DMD: variants seen among roughly 807,000 people sequenced by gnomAD.
DMD encodes dystrophin, also known as mutant dystrophin.
In DMD, 63 loss-of-function variants were observed where a neutral mutation model predicts 330.1. The ratio of observed to expected loss-of-function variants is 0.19; its 90% CI spans 0.16 to 0.24. The LOEUF (loss-of-function observed/expected upper bound fraction) is 0.24. Ranked by LOEUF, DMD falls within the 10% of genes least tolerant of loss-of-function variation. The pLI is 1.00. For synonymous variants in DMD, 1,223 were observed against 959.8 expected (o/e 1.27, Z -5.07); for missense variants, 3,344 against 2,684.1 (o/e 1.25, Z -5.43).
intron 45 of DMD, among the ~76,000 whole-genome samples, chrX:31,949,785 T>G (rs2095136383): frequency 9.0e-6 from 1 of 111,610 alleles, no homozygotes; most frequent in Non-Finnish European, 1.9e-5. Flanking sequence ...TAATATGTTT[T>G]GCAGAAATTG....
intron 1 of DMD, among the ~76,000 whole-genome samples, chrX:33,276,405 G>T (rs2053236294): frequency 9.0e-6 from 1 of 110,935 alleles, no homozygotes; most frequent in Non-Finnish European, 1.9e-5. Context: ...ATGGTGAGAA[G>T]CCCTAATTAG....
intron 1 of DMD, among the ~76,000 whole-genome samples, chrX:33,201,222 C>T (rs191166437): frequency 0.01 from 1,132 of 111,097 alleles, 12 homozygotes; most frequent in African/African-American, 0.035. Flanking sequence ...TGAGCCACCG[C>T]GACCAGCCAA....
At chrX:31,749,230 C>T (rs868610895) in intron 51 of DMD, among the ~76,000 whole-genome samples, 95 of 106,871 alleles carry the variant, frequency 8.9e-4, no homozygotes, top group Admixed American at 1.9e-3. Context: ...GCCATGCTGG[C>T]ACGCTGCACC....
chrX:32,816,859 T>C (rs2077805350), intron 5 of DMD, among the ~76,000 whole-genome samples: 1 of 111,743 alleles, frequency 8.9e-6, no homozygotes, highest in Admixed American at 9.6e-5. Context: ...ACTGAATGTG[T>C]TCACTATTAC....
At chrX:31,967,114 T>G (rs774750938) in intron 45 of DMD, among the ~76,000 whole-genome samples, 1 of 110,628 alleles carries the variant, frequency 9.0e-6, no homozygotes, top group African/African-American at 3.3e-5. Context: ...AATAAAATAC[T>G]TGTATGATTA....
At chrX:32,488,726 A>G (rs1205715465) in intron 20 of DMD, among the ~76,000 whole-genome samples, 1 of 111,287 alleles carries the variant, frequency 9.0e-6, no homozygotes, top group Non-Finnish European at 1.9e-5. Flanking sequence ...AATATTTAAT[A>G]TATAAAACCT....
intron 43 of DMD, among the ~76,000 whole-genome samples, chrX:32,252,655 AATAT>A (rs1319302347): frequency 3.3e-5 from 1 of 29,913 alleles, no homozygotes; most frequent in Non-Finnish European, 5.1e-5. Context: ...TATAAATACA[AATAT>A]ATAAATATAT....
At chrX:31,563,377 C>A (rs989087954) in intron 55 of DMD, among the ~76,000 whole-genome samples, 3 of 112,188 alleles carry the variant, frequency 2.7e-5, no homozygotes, top group African/African-American at 9.7e-5. Flanking sequence ...ACAATCTGAT[C>A]TGCTTCTGGA....
chrX:33,016,169 T>G (rs1332484573), intron 2 of DMD, among the ~76,000 whole-genome samples: 2 of 110,871 alleles, frequency 1.8e-5, no homozygotes, highest in Non-Finnish European at 3.8e-5. Flanking sequence ...ACTGGGCATC[T>G]GAAGGAACTC....
chrX:31,692,863 CA>C (rs1403693848), intron 52 of DMD, among the ~76,000 whole-genome samples: 4 of 111,489 alleles, frequency 3.6e-5, no homozygotes, highest in African/African-American at 1.3e-4. Flanking sequence ...AGACCTAACA[CA>C]AATCTTTCTC....
intron 4 of DMD, among the ~76,000 whole-genome samples, chrX:32,836,943 C>T (rs1173607697): frequency 9.0e-6 from 1 of 111,446 alleles, no homozygotes; most frequent in Non-Finnish European, 1.9e-5. Context: ...AGCAGATATC[C>T]GAAGTGACTC....
At chrX:31,779,855 T>C (rs1408978496) in intron 50 of DMD, among the ~76,000 whole-genome samples, 1 of 111,677 alleles carries the variant, frequency 9.0e-6, no homozygotes, top group Non-Finnish European at 1.9e-5. Context: ...TGGTTTTCCC[T>C]CCATAGTTAA....
At chrX:33,090,944 T>C (rs1432899941) in intron 1 of DMD, among the ~76,000 whole-genome samples, 4 of 111,107 alleles carry the variant, frequency 3.6e-5, no homozygotes, top group Non-Finnish European at 7.6e-5. Flanking sequence ...GTTAAGTAAT[T>C]TGTCTGAGGT....
At position 32,342,647 on chromosome X, in the gene DMD, T is replaced by G. The variant is rs977065428; in HGVS notation, c.5740-365A>C. ...TTTAGAGGGTAAGTGAATAAGTTAT[T>G]TATTTCCTTTTTAAAGGTTTGAGGA... On this transcript the variant is annotated intron_variant, in intron 40 of 78. Transcript: ENST00000357033. 3 of 263,533 alleles carry G rather than the reference T, an allele frequency of 1.1e-5. No individual in the cohort carries two copies. The Admixed American group carries it at 1.9e-4, about 16-fold the overall frequency. 21.7% of individuals were successfully genotyped at this position (263,533 alleles called of 1,213,427 possible). A position where few individuals can be genotyped will look rare whatever the true frequency, so the allele number is the denominator to read the frequency against.
chrX:32,479,597 G>A (rs1380432485), intron 21 of DMD, among the ~76,000 whole-genome samples: 13 of 109,604 alleles, frequency 1.2e-4, no homozygotes, highest in Admixed American at 9.9e-5. Flanking sequence ...TCTACATGGT[G>A]GCAAATGACA....
intron 9 of DMD, among the ~76,000 whole-genome samples, chrX:32,651,652 G>C (rs1351397618): frequency 9.0e-6 from 1 of 111,109 alleles, no homozygotes; most frequent in Non-Finnish European, 1.9e-5. Context: ...ACAGCAATGG[G>C]ACACAGCCCA....
At chrX:31,937,612 C>T (rs1002805479) in intron 45 of DMD, among the ~76,000 whole-genome samples, 2 of 111,511 alleles carry the variant, frequency 1.8e-5, no homozygotes, top group Admixed American at 9.5e-5. Context: ...TCAAAAGCCT[C>T]GATTTGAAGT....
chrX:32,820,428 C>A (rs999074683), intron 5 of DMD, among the ~76,000 whole-genome samples: 2 of 110,506 alleles, frequency 1.8e-5, no homozygotes, highest in Admixed American at 9.6e-5. Flanking sequence ...GGTGACAGAG[C>A]GAGACTCTGT....
At chrX:32,470,524 T>C (rs2040517272) in intron 22 of DMD, among the ~76,000 whole-genome samples, 1 of 111,448 alleles carries the variant, frequency 9.0e-6, no homozygotes, top group Non-Finnish European at 1.9e-5. Context: ...CCTATCTTTT[T>C]CAGTGGAAAT....
Sources: allele counts gnomAD v4.1 joint callset (sites outside exome capture counted in the v4.1 genomes callset), GRCh38; gene constraint gnomAD v4.1.1; transcripts MANE v1.5; gene names NCBI Gene and HGNC (gene_info 2026-07-23, HGNC 2026-07-21).